PARD3: variants seen among roughly 807,000 people sequenced by gnomAD.
PARD3 encodes the protein par-3 family cell polarity regulator.
In PARD3, 75 loss-of-function variants were observed where a neutral mutation model predicts 155.4. That is an observed-to-expected ratio of 0.48 (90% confidence interval 0.40 to 0.58). PARD3 has a LOEUF of 0.58. Ranked by LOEUF, PARD3 falls within the 20% of genes least tolerant of loss-of-function variation. PARD3 has a pLI of 0.00. For synonymous variants in PARD3, 576 were observed against 610.5 expected, an observed-to-expected ratio of 0.94 and a Z score of 0.83; for missense variants, 1,642 against 1,721.7, an observed-to-expected ratio of 0.95 and a Z score of 0.82.
At chr10:34,814,323 G>A (rs896930743) in intron 1 of PARD3, among the ~76,000 whole-genome samples, 1 of 152,122 alleles carries the variant, frequency 6.6e-6, no homozygotes, top group Non-Finnish European at 1.5e-5. Flanking sequence ...CTACCAGCAG[G>A]GGACATGGAG....
intron 2 of PARD3, among the ~76,000 whole-genome samples, chr10:34,600,390 G>A (rs1590175152): frequency 6.6e-6 from 1 of 151,796 alleles, no homozygotes; most frequent in African/African-American, 2.4e-5. Context: ...AAGGTATAAA[G>A]ATTGGAAAGG....
chr10:34,211,829 T>C (rs1326113972), intron 22 of PARD3, among the ~76,000 whole-genome samples: 2 of 152,000 alleles, frequency 1.3e-5, no homozygotes, highest in African/African-American at 2.4e-5. Context: ...GAGATGCCTG[T>C]TCCTCTCCCC....
At chr10:34,645,871 T>C (rs181237160) in intron 2 of PARD3, among the ~76,000 whole-genome samples, 12 of 152,312 alleles carry the variant, frequency 7.9e-5, no homozygotes, top group Admixed American at 7.2e-4. Context: ...TTCTTCCCCG[T>C]TTTATTTTTA....
chr10:34,382,618 T>C lies in PARD3; in HGVS notation c.1321A>G (p.Asn441Asp). 6.2e-7 allele frequency: 1 copy of C among 1,614,072 alleles called. No homozygotes were observed. Among genetic ancestry groups the C allele is most frequent in the South Asian group, 1.1e-5 (1 of 91,078 alleles). ...PPSAPASAPQ[N>D]VFSTTVSSGY... ...CTGCTTACAGTCGTACTAAATACAT[T>C]CTGAGGTGCCGAGGCTGGAGCGGAT... Residue 441 changes from asparagine (N) to aspartate (D), a missense_variant, in exon 9 of 25, where the codon AAT becomes GAT. Coordinates refer to ENST00000374788, the MANE Select transcript of PARD3 (RefSeq NM_001184785.2).
At chr10:34,347,388 G>A (rs2134363656) in intron 15 of PARD3, among the ~76,000 whole-genome samples, 1 of 152,258 alleles carries the variant, frequency 6.6e-6, no homozygotes, top group African/African-American at 2.4e-5. Context: ...CAGATAGGAT[G>A]GTACTGAATC....
chr10:34,316,710 T>C (rs1299464317), intron 20 of PARD3, among the ~76,000 whole-genome samples: 1 of 152,172 alleles, frequency 6.6e-6, no homozygotes, highest in Admixed American at 6.5e-5. Context: ...TACAGACATG[T>C]CCCTCCTACC....
chr10:34,789,544 A>T (rs1564621620), intron 1 of PARD3, among the ~76,000 whole-genome samples: 1 of 152,144 alleles, frequency 6.6e-6, no homozygotes, highest in Middle Eastern at 3.4e-3. Flanking sequence ...CAAAAAAAAA[A>T]ATACAAAAAG....
chr10:34,228,812 A>G (rs764106491), intron 22 of PARD3, among the ~76,000 whole-genome samples: 1 of 152,060 alleles, frequency 6.6e-6, no homozygotes, highest in Non-Finnish European at 1.5e-5. Context: ...CATCCCCTCC[A>G]CCATGTGAAA....
At chr10:34,194,630 T>C (rs946536278) in intron 22 of PARD3, among the ~76,000 whole-genome samples, 4 of 138,628 alleles carry the variant, frequency 2.9e-5, no homozygotes, top group South Asian at 2.2e-4. Context: ...TTTTTTTTTT[T>C]TTCTTAAATT....
At chr10:34,655,431 G>A (rs771857596) in intron 2 of PARD3, among the ~76,000 whole-genome samples, 1 of 151,998 alleles carries the variant, frequency 6.6e-6, no homozygotes. Context: ...CATGACTGTG[G>A]GTGTGTGTGA....
chr10:34,345,528 A>G (rs923707477), intron 15 of PARD3: 3 of 985,282 alleles, frequency 3.0e-6, no homozygotes, highest in African/African-American at 1.7e-5. Flanking sequence ...AACATATAGA[A>G]GACAATCATT....
At chr10:34,764,697 G>C (rs574422708) in intron 1 of PARD3, among the ~76,000 whole-genome samples, 25 of 152,226 alleles carry the variant, frequency 1.6e-4, no homozygotes, top group African/African-American at 5.5e-4. Flanking sequence ...AGGGTAGTGT[G>C]CTAAGAGGTA....
intron 1 of PARD3, among the ~76,000 whole-genome samples, chr10:34,739,486 C>G (rs1011967835): frequency 2.3e-4 from 35 of 152,276 alleles, no homozygotes; most frequent in South Asian, 1.0e-3. Context: ...AATTAAAATG[C>G]TGAAATCCCA....
At chr10:34,308,039 G>A (rs1827760051) in intron 20 of PARD3, among the ~76,000 whole-genome samples, 1 of 152,036 alleles carries the variant, frequency 6.6e-6, no homozygotes, top group East Asian at 1.9e-4. Context: ...AGTGAACCTA[G>A]GAATACCTGA....
chr10:34,405,049 G>A (rs1477202952), intron 5 of PARD3, among the ~76,000 whole-genome samples: 1 of 149,962 alleles, frequency 6.7e-6, no homozygotes, highest in South Asian at 2.1e-4. Context: ...TCCAGCCTGG[G>A]TGACAGAGTG....
At chr10:34,307,638 G>A (rs545491595) in intron 20 of PARD3, among the ~76,000 whole-genome samples, 1 of 152,270 alleles carries the variant, frequency 6.6e-6, no homozygotes, top group Non-Finnish European at 1.5e-5. Context: ...GCTCCAAGGT[G>A]TTATTCCTGG....
At chr10:34,208,146 A>T (rs547936692) in intron 22 of PARD3, among the ~76,000 whole-genome samples, 1 of 152,332 alleles carries the variant, frequency 6.6e-6, no homozygotes, top group South Asian at 2.1e-4. Context: ...TGAACACATG[A>T]TTTACTTTTT....
intron 12 of PARD3, among the ~76,000 whole-genome samples, chr10:34,367,290 A>C (rs1374990440): frequency 6.6e-6 from 1 of 152,382 alleles, no homozygotes; most frequent in Admixed American, 6.5e-5. Context: ...ACCAAATTCT[A>C]TTCATACTTG....
At chr10:34,468,109 G>A (rs571940873) in intron 4 of PARD3, among the ~76,000 whole-genome samples, 127 of 152,032 alleles carry the variant, frequency 8.4e-4, no homozygotes, top group Non-Finnish European at 1.0e-3. Context: ...CCGGTGGGAG[G>A]AGTTCAGGCC....
Sources: allele counts gnomAD v4.1 joint callset (sites outside exome capture counted in the v4.1 genomes callset), GRCh38; gene constraint gnomAD v4.1.1; transcripts MANE v1.5; gene names NCBI Gene and HGNC (gene_info 2026-07-23, HGNC 2026-07-21).